Variants in WIF1 observed in about 807,000 individuals in gnomAD.
The protein encoded by WIF1 is Wnt inhibitory factor 1.
A neutral mutation model predicts 53.5 loss-of-function variants in WIF1; 35 were observed. That is an observed-to-expected ratio of 0.65 (90% CI 0.50 to 0.87). The LOEUF is 0.87. Among genes scored for constraint, WIF1 ranks in the 40% least tolerant of loss-of-function variants. The probability of loss-of-function intolerance (pLI) is 0.00; values close to 1 mark genes in which losing one functional copy is unlikely to be tolerated. For synonymous variants in WIF1, 171 were observed against 170.4 expected, an observed-to-expected ratio of 1.00 and a Z score of -0.03; for missense variants, 467 against 476.8, an observed-to-expected ratio of 0.98 and a Z score of 0.19.
intron 2 of WIF1, among the ~76,000 whole-genome samples, chr12:65,113,545 A>G (rs1883463957): frequency 6.6e-6 from 1 of 152,054 alleles, no homozygotes; most frequent in East Asian, 1.9e-4. Flanking sequence ...ATTGCCATAG[A>G]ACCAGATGTG....
chr12:65,075,507 A>G (rs1882847971), intron 3 of WIF1, among the ~76,000 whole-genome samples: 1 of 152,238 alleles, frequency 6.6e-6, no homozygotes, highest in African/African-American at 2.4e-5. Flanking sequence ...AATAAAGAGT[A>G]ATCTCTAAAC....
At chr12:65,109,910 T>A (rs1405184981) in intron 2 of WIF1, among the ~76,000 whole-genome samples, 1 of 152,154 alleles carries the variant, frequency 6.6e-6, no homozygotes, top group Non-Finnish European at 1.5e-5. Flanking sequence ...ATGACAGTAA[T>A]AGGATACACA....
intron 2 of WIF1, among the ~76,000 whole-genome samples, chr12:65,109,500 C>T (rs1323837233): frequency 2.0e-5 from 3 of 152,118 alleles, no homozygotes; most frequent in African/African-American, 7.2e-5. Context: ...ATACATAATA[C>T]CACAGTTATT....
chr12:65,082,023 G>C (rs1292631162), intron 2 of WIF1, among the ~76,000 whole-genome samples: 9 of 152,012 alleles, frequency 5.9e-5, no homozygotes, highest in Admixed American at 5.9e-4. Flanking sequence ...CACAAATATA[G>C]TATTATGAAC....
chr12:65,121,281 C>T lies in WIF1; in HGVS notation c.-90G>A. 1.5e-6 allele frequency: 2 copies of T among 1,329,670 alleles called. No individual in the cohort carries two copies. Among genetic ancestry groups the T allele is most frequent in the Non-Finnish European group, 9.7e-7 (1 of 1,034,764 alleles). 82.4% of individuals were successfully genotyped at this position (1,329,670 alleles called of 1,614,324 possible). A position where few individuals can be genotyped will look rare whatever the true frequency, so the allele number is the denominator to read the frequency against. Reference sequence around the variant, plus strand: ...TCAGATACTCTGCTGCGCTGCAGCTCCCTCAGCCAGGGCTGTTCCCGTTTA... The same window carrying T: ...TCAGATACTCTGCTGCGCTGCAGCTTCCTCAGCCAGGGCTGTTCCCGTTTA... On this transcript the variant is annotated 5_prime_UTR_variant, in exon 1 of 10. Transcript: ENST00000286574.
intron 2 of WIF1, among the ~76,000 whole-genome samples, chr12:65,106,968 T>A (rs1384546265): frequency 6.6e-6 from 1 of 152,244 alleles, no homozygotes; most frequent in Non-Finnish European, 1.5e-5. Flanking sequence ...AAGTTCTAAC[T>A]TTTGAGGAGT....
chr12:65,089,353 C>A (rs1883089445), intron 2 of WIF1, among the ~76,000 whole-genome samples: 1 of 152,078 alleles, frequency 6.6e-6, no homozygotes, highest in South Asian at 2.1e-4. Context: ...TTTTCCTTCC[C>A]AATATTATGA....
At chr12:65,072,509 A>G (rs1193590338) in intron 3 of WIF1, among the ~76,000 whole-genome samples, 2 of 152,210 alleles carry the variant, frequency 1.3e-5, no homozygotes, top group Non-Finnish European at 2.9e-5. Flanking sequence ...AGCATTTAGC[A>G]TATTGTCTGT....
intron 3 of WIF1, among the ~76,000 whole-genome samples, chr12:65,076,622 T>C (rs1457792697): frequency 6.6e-6 from 1 of 152,130 alleles, no homozygotes; most frequent in Non-Finnish European, 1.5e-5. Flanking sequence ...CAACAATTAC[T>C]TTCTGAATAC....
intron 6 of WIF1, among the ~76,000 whole-genome samples, chr12:65,062,793 T>C (rs1882633250): frequency 1.3e-5 from 2 of 152,054 alleles, no homozygotes; most frequent in Non-Finnish European, 2.9e-5. Flanking sequence ...CATCATATAC[T>C]ACCCACCAGT....
chr12:65,093,715 T>A (rs1039091268), intron 2 of WIF1, among the ~76,000 whole-genome samples: 1 of 152,118 alleles, frequency 6.6e-6, no homozygotes, highest in African/African-American at 2.4e-5. Flanking sequence ...TGTCATCTTT[T>A]AGTGATGACT....
chr12:65,078,193 C>T (rs1237758957), intron 2 of WIF1, among the ~76,000 whole-genome samples: 2 of 152,140 alleles, frequency 1.3e-5, no homozygotes, highest in African/African-American at 4.8e-5. Context: ...ATTCTCCTGC[C>T]TCAGCCTCCT....
At chr12:65,109,873 C>T (rs551264698) in intron 2 of WIF1, among the ~76,000 whole-genome samples, 10 of 152,154 alleles carry the variant, frequency 6.6e-5, no homozygotes, top group South Asian at 4.2e-4. Context: ...GAAGAGTGCC[C>T]GGCTCAGAGT....
chr12:65,052,591 C>T (rs776983626), intron 9 of WIF1, among the ~76,000 whole-genome samples: 7 of 152,162 alleles, frequency 4.6e-5, no homozygotes, highest in South Asian at 2.1e-4. Flanking sequence ...TTGTCACCTC[C>T]GTCTAGTCAA....
chr12:65,113,582 T>G (rs1883464817), intron 2 of WIF1, among the ~76,000 whole-genome samples: 1 of 151,770 alleles, frequency 6.6e-6, no homozygotes. Flanking sequence ...GTAACTCATC[T>G]CCTCTAAGCA....
At chr12:65,087,753 C>T (rs1455235274) in intron 2 of WIF1, among the ~76,000 whole-genome samples, 1 of 151,878 alleles carries the variant, frequency 6.6e-6, no homozygotes, top group African/African-American at 2.4e-5. Flanking sequence ...ATTGCAATTG[C>T]ATATTTCAGA....
intron 7 of WIF1, 30 bp from the exon 8 acceptor site, chr12:65,056,156 G>A: frequency 6.3e-7 from 1 of 1,593,350 alleles, no homozygotes; most frequent in Non-Finnish European, 8.6e-7. Flanking sequence ...AGCTAAACAA[G>A]GAACCTGGTG....
Position 65,088,322 on chromosome 12 carries a change from G to T in WIF1, c.289-10468C>A, listed in dbSNP as rs1188924708. ...AAAGAAAACAGAGATTACTATATACGAATCCTCTCAACATCCCCCCCATCT... is the reference window on the plus strand; with the variant it reads ...AAAGAAAACAGAGATTACTATATACTAATCCTCTCAACATCCCCCCCATCT... On this transcript the variant is annotated intron_variant, in intron 2 of 9. Coordinates refer to ENST00000286574, the MANE Select transcript of WIF1 (RefSeq NM_007191.5). Among the ~76,000 whole-genome samples, 6 of 151,962 alleles carry T rather than the reference G, an allele frequency of 3.9e-5. 1 individual carries two copies. Among genetic ancestry groups the T allele is most frequent in the African/African-American group, 1.5e-4 (6 of 41,364 alleles).
At chr12:65,112,732 A>G (rs1883452343) in intron 2 of WIF1, among the ~76,000 whole-genome samples, 1 of 152,118 alleles carries the variant, frequency 6.6e-6, no homozygotes, top group African/African-American at 2.4e-5. Context: ...GATGAGATAC[A>G]AAGCCCCTTA....
Sources: allele counts gnomAD v4.1 joint callset (sites outside exome capture counted in the v4.1 genomes callset), GRCh38; gene constraint gnomAD v4.1.1; transcripts MANE v1.5; gene names NCBI Gene and HGNC (gene_info 2026-07-23, HGNC 2026-07-21).